Variants in CDYL observed in about 807,000 individuals in gnomAD.
The protein encoded by CDYL is chromodomain Y-like protein.
In CDYL, 8 loss-of-function variants were observed where a neutral mutation model predicts 47.3. That is an observed-to-expected ratio of 0.17 (90% CI 0.10 to 0.31). The LOEUF (loss-of-function observed/expected upper bound fraction) is 0.31. CDYL is among the 10% of genes least tolerant of loss of function. The pLI, the probability that CDYL is intolerant of heterozygous loss-of-function variation, is 1.00. For missense variants in CDYL, 471 were observed against 701.4 expected, an observed-to-expected ratio of 0.67 and a Z score of 3.71; for synonymous variants, 266 against 265.0, an observed-to-expected ratio of 1.00 and a Z score of -0.04.
chr6:4,875,393 G>T (rs1347786627), intron 1 of CDYL, among the ~76,000 whole-genome samples: 1 of 152,064 alleles, frequency 6.6e-6, no homozygotes, highest in Admixed American at 6.5e-5. Flanking sequence ...TTGTATCTGG[G>T]TATCAATTTG....
chr6:4,949,763 C>T (rs544230446), intron 5 of CDYL, among the ~76,000 whole-genome samples: 18 of 152,274 alleles, frequency 1.2e-4, no homozygotes, highest in African/African-American at 3.9e-4. Flanking sequence ...ACGCAAATTG[C>T]GTGTATTTAA....
intron 1 of CDYL, among the ~76,000 whole-genome samples, chr6:4,811,782 TAA>T (rs1308607454): frequency 6.6e-6 from 1 of 152,082 alleles, no homozygotes; most frequent in Non-Finnish European, 1.5e-5. Flanking sequence ...CTCTCTTCTT[TAA>T]CAAATACTAA....
intron 6 of CDYL, among the ~76,000 whole-genome samples, chr6:4,953,025 T>G (rs1012567072): frequency 1.0e-4 from 15 of 150,190 alleles, no homozygotes; most frequent in Admixed American, 2.0e-4. Flanking sequence ...CACCTCAGCC[T>G]CCCAAAGTGC....
intron 2 of CDYL, among the ~76,000 whole-genome samples, chr6:4,901,894 C>T (rs541459838): frequency 3.3e-5 from 5 of 152,282 alleles, no homozygotes; most frequent in Admixed American, 2.6e-4. Flanking sequence ...CCAGCCTCCA[C>T]TTTTTCAGTC....
At chr6:4,778,441 A>G (rs367912299) in intron 1 of CDYL, among the ~76,000 whole-genome samples, 8 of 152,210 alleles carry the variant, frequency 5.3e-5, no homozygotes, top group East Asian at 3.8e-4. Context: ...TGCTTATTCT[A>G]TATCTTCAGG....
intron 1 of CDYL, among the ~76,000 whole-genome samples, chr6:4,791,940 T>G (rs1280545071): frequency 6.6e-6 from 1 of 150,980 alleles, no homozygotes; most frequent in East Asian, 1.9e-4. Context: ...TGGAGTGCAG[T>G]GGCGCGATCT....
chr6:4,891,928 G>C lies in CDYL; in HGVS notation c.240G>C (p.Arg80Ser), dbSNP rs765139049. The C allele has an allele frequency of 6.2e-7, 1 of 1,614,110 alleles. No homozygotes were observed. The highest frequency in any genetic ancestry group is 8.5e-7 in the Non-Finnish European group (1 of 1,180,046). ...ACAGGACCTCTCCCAACAATGCTAG[G>C]AAACAAATCTCCAGATCCACCAACA... Reference protein sequence around the residue: ...RTNRTSPNNARKQISRSTNSN... With the variant: ...RTNRTSPNNASKQISRSTNSN... Residue 80 changes from arginine to serine, a missense_variant, in exon 2 of 7, where the codon AGG becomes AGC. Coordinates refer to ENST00000397588, the MANE Select transcript of CDYL (RefSeq NM_004824.4).
chr6:4,739,964 GA>G (rs529839283), intron 3 of CDYL, among the ~76,000 whole-genome samples: 198 of 143,944 alleles, frequency 1.4e-3, no homozygotes, highest in African/African-American at 3.4e-3. Flanking sequence ...AAAACAAAAA[GA>G]AAAAAAAAAG....
Position 4,870,639 on chromosome 6 carries a change from C to T in CDYL, c.25-21074C>T, listed in dbSNP as rs148404075. ...TCCTCTCCTTAGGGTATTCCCATTA[C>T]ATGTATGTCTGCACTGTTGCTGTTT... On this transcript the variant is annotated intron_variant, in intron 1 of 6. Coordinates refer to ENST00000397588, the MANE Select transcript of CDYL (RefSeq NM_004824.4). Among the ~76,000 whole-genome samples, 776 of 152,212 alleles carry T rather than the reference C, an allele frequency of 5.1e-3. 5 individuals carry two copies. Among genetic ancestry groups the T allele is most frequent in the Non-Finnish European group, 7.5e-3 (512 of 68,002 alleles).
chr6:4,891,889 A>G lies in CDYL; in HGVS notation c.201A>G (p.Thr67=), dbSNP rs749706969. The change falls in exon 2 of 7, where the codon ACA becomes ACG. Residue 67 remains threonine, a synonymous_variant. Transcript: ENST00000397588. Reference sequence around the variant, plus strand: ...ACACGGAGAAGCAGAAGGAGAGCACATTGACCAGAACAAACAGGACCTCTC... The same window carrying G: ...ACACGGAGAAGCAGAAGGAGAGCACGTTGACCAGAACAAACAGGACCTCTC... The part of the protein sequence containing the change: ...RRHTEKQKES[T]LTRTNRTSPN... 5.0e-6 allele frequency: 8 copies of G among 1,614,194 alleles called. No homozygotes were observed. The highest frequency in any genetic ancestry group is 5.9e-6 in the Non-Finnish European group (7 of 1,180,034).
intron 2 of CDYL, among the ~76,000 whole-genome samples, chr6:4,932,430 C>T (rs1311322878): frequency 2.6e-5 from 4 of 152,144 alleles, no homozygotes; most frequent in African/African-American, 4.8e-5. Context: ...CCTAATCACC[C>T]CCCAAAGGCC....
chr6:4,929,355 C>T (rs992390740), intron 2 of CDYL, among the ~76,000 whole-genome samples: 3 of 151,984 alleles, frequency 2.0e-5, no homozygotes, highest in African/African-American at 4.8e-5. Context: ...ATGTTATCAG[C>T]AGATGATAAT....
chr6:4,790,906 G>C (rs941263376), intron 1 of CDYL, among the ~76,000 whole-genome samples: 6 of 152,172 alleles, frequency 3.9e-5, no homozygotes, highest in African/African-American at 1.4e-4. Context: ...AAATATCAGA[G>C]ATTGGATTTG....
intron 3 of CDYL, among the ~76,000 whole-genome samples, chr6:4,750,226 G>A (rs553096337): frequency 1.1e-4 from 16 of 151,860 alleles, no homozygotes; most frequent in Admixed American, 2.6e-4. Context: ...ATTTTGAGAC[G>A]GAGTCTTGCT....
intron 2 of CDYL, among the ~76,000 whole-genome samples, chr6:4,733,422 T>TA (rs5873946): frequency 0.011 from 1,462 of 138,864 alleles, 5 homozygotes; most frequent in East Asian, 0.04. Context: ...TCAGATAAAG[T>TA]AAAAAAAAAA....
chr6:4,780,082 G>C (rs1262130587), intron 1 of CDYL, among the ~76,000 whole-genome samples: 1 of 152,146 alleles, frequency 6.6e-6, no homozygotes, highest in East Asian at 1.9e-4. Context: ...GTGATCAACT[G>C]TCATAGTCTG....
rs764138201 is a variant in CDYL, at chr6:4,891,837, A to C, written c.149A>C (p.Glu50Ala). The C allele has an allele frequency of 6.2e-7, 1 of 1,614,202 alleles. No individual in the cohort carries two copies. The highest frequency in any genetic ancestry group is 1.1e-5 in the South Asian group (1 of 91,072). Reference protein sequence around the residue: ...EPEQHLVNCEEYIHDFNRRHT... With the variant: ...EPEQHLVNCEAYIHDFNRRHT... ...GAACAGCACCTCGTGAACTGTGAGGAATACATCCACGACTTCAACAGACGC... is the reference window on the plus strand; with the variant it reads ...GAACAGCACCTCGTGAACTGTGAGGCATACATCCACGACTTCAACAGACGC... The change falls in exon 2 of 7, where the codon GAA becomes GCA. Residue 50 changes from glutamate to alanine, a missense_variant. Glu to Ala is a moderately radical substitution (Grantham distance 107). This residue lies in a region of CDYL where 311 missense variants were observed against 350.0 expected (regional missense o/e 0.89). Coordinates refer to ENST00000397588, the MANE Select transcript of CDYL (RefSeq NM_004824.4).
chr6:4,892,141 C>T lies in CDYL; in HGVS notation c.453C>T (p.Ser151=), dbSNP rs144823262. 8.1e-5 allele frequency: 130 copies of T among 1,614,120 alleles called. No individual in the cohort carries two copies. The highest frequency in any genetic ancestry group is 1.0e-4 in the Non-Finnish European group (123 of 1,180,046). ...KILVPKSPVK[S]RTAVDGFQSE... ...TCGTGCCTAAAAGCCCCGTTAAGAG[C>T]AGGACCGCAGTGGACGGCTTTCAGA... Residue 151 remains serine (S), a synonymous_variant, in exon 2 of 7, where the codon AGC becomes AGT. Coordinates refer to ENST00000397588, the MANE Select transcript of CDYL (RefSeq NM_004824.4).
At chr6:4,782,410 C>T (rs1581163479) in intron 1 of CDYL, among the ~76,000 whole-genome samples, 1 of 152,134 alleles carries the variant, frequency 6.6e-6, no homozygotes, top group African/African-American at 2.4e-5. Context: ...TTACTTACCT[C>T]GAGGTTCCTC....
Sources: gnomAD v4.1 joint callset for allele counts (sites outside exome capture counted in the v4.1 genomes callset) on GRCh38, gnomAD v4.1.1 for gene constraint, gnomAD v4.1.1 regional missense constraint, MANE v1.5 for transcripts, NCBI Gene and HGNC (gene_info 2026-07-23, HGNC 2026-07-21) for gene names.